Variants in RBM19 observed in about 807,000 individuals in gnomAD.
RBM19 encodes probable RNA-binding protein 19.
A neutral mutation model predicts 116.8 loss-of-function variants in RBM19; 94 were observed. The ratio of observed to expected loss-of-function variants is 0.80; its 90% CI spans 0.68 to 0.95. The LOEUF (loss-of-function observed/expected upper bound fraction) is 0.95. RBM19 is among the 40% of genes least tolerant of loss of function. The probability of loss-of-function intolerance (pLI) is 0.00; values close to 1 mark genes in which losing one functional copy is unlikely to be tolerated. For synonymous variants in RBM19, 475 were observed against 494.1 expected (o/e 0.96, Z 0.51); for missense variants, 1,161 against 1,220.7 (o/e 0.95, Z 0.73).
chr12:113,900,342 G>A (rs1023885346), intron 21 of RBM19, among the ~76,000 whole-genome samples: 1 of 152,142 alleles, frequency 6.6e-6, no homozygotes, highest in African/African-American at 2.4e-5. Flanking sequence ...AGTCAAGTAC[G>A]TGCAGCTGTT....
intron 21 of RBM19, among the ~76,000 whole-genome samples, chr12:113,861,939 C>T (rs987495628): frequency 1.3e-5 from 2 of 152,084 alleles, no homozygotes; most frequent in Admixed American, 6.5e-5. Context: ...TGAAACGCCA[C>T]CCACAAAGAC....
At chr12:113,921,254 T>G (rs1375868021) in intron 18 of RBM19, among the ~76,000 whole-genome samples, 1 of 152,210 alleles carries the variant, frequency 6.6e-6, no homozygotes, top group Non-Finnish European at 1.5e-5. Flanking sequence ...CAAAGAATAC[T>G]GCAAAAATTT....
intron 22 of RBM19, among the ~76,000 whole-genome samples, chr12:113,851,044 C>G (rs114561190): frequency 6.6e-6 from 1 of 152,238 alleles, no homozygotes; most frequent in Non-Finnish European, 1.5e-5. Flanking sequence ...AAGGCTCCCA[C>G]TGTCCTGTGA....
intron 21 of RBM19, among the ~76,000 whole-genome samples, chr12:113,891,772 T>G (rs973648050): frequency 6.6e-6 from 1 of 152,224 alleles, no homozygotes; most frequent in Non-Finnish European, 1.5e-5. Flanking sequence ...ATAAAACTTT[T>G]GCGAACACGC....
chr12:113,878,851 G>C (rs186565731), intron 21 of RBM19, among the ~76,000 whole-genome samples: 4 of 150,744 alleles, frequency 2.7e-5, no homozygotes, highest in South Asian at 2.1e-4. Flanking sequence ...AAAGGGGGGG[G>C]TGGTGAGAGG....
At chr12:113,919,864 C>T (rs1211525907) in intron 19 of RBM19, among the ~76,000 whole-genome samples, 1 of 152,084 alleles carries the variant, frequency 6.6e-6, no homozygotes, top group African/African-American at 2.4e-5. Context: ...CCATCGTCCC[C>T]TCTCCACACC....
chr12:113,924,898 T>C lies in RBM19; in HGVS notation c.2245-141A>G, dbSNP rs796541638. On this transcript the variant is annotated intron_variant, in intron 17 of 23. Transcript: ENST00000261741. ...CATTTTGAGGTGATGAGTGATGACC[T>C]CCTTTAAGTAACCTGGGCAGTCCCT... 15 of 692,502 alleles carry C rather than the reference T, an allele frequency of 2.2e-5. No individual in the cohort carries two copies. The African/African-American group carries it at 2.6e-4, about 12-fold the overall frequency. The allele number at this position is 692,502 out of a possible 1,614,324, so 42.9% of individuals were successfully genotyped here.
chr12:113,875,795 C>G (rs1348752513), intron 21 of RBM19, among the ~76,000 whole-genome samples: 1 of 152,194 alleles, frequency 6.6e-6, no homozygotes, highest in Non-Finnish European at 1.5e-5. Context: ...AGGGAAAAGT[C>G]AATGATCGTG....
chr12:113,918,527 C>T lies in RBM19; in HGVS notation c.2386-80G>A. 2.7e-6 allele frequency: 4 copies of T among 1,470,474 alleles called. No homozygotes were observed. The South Asian group carries it at 4.6e-5, about 17-fold the overall frequency. The allele number at this position is 1,470,474 out of a possible 1,614,324, so 91.1% of individuals were successfully genotyped here. A position where few individuals can be genotyped will look rare whatever the true frequency, so the allele number is the denominator to read the frequency against. ...ATCCTTGCCCTTCACCAGAGCAGAG[C>T]CCTGGCTCGCAGATGGGAGCCTGAT... is the stretch of plus-strand genomic sequence containing the variant. On this transcript the variant is annotated intron_variant, in intron 19 of 23. Coordinates refer to ENST00000261741, the MANE Select transcript of RBM19 (RefSeq NM_016196.4).
chr12:113,879,430 T>TA (rs1202050189), intron 21 of RBM19, among the ~76,000 whole-genome samples: 13 of 81,616 alleles, frequency 1.6e-4, no homozygotes, highest in Non-Finnish European at 2.0e-4. Flanking sequence ...ATACATACAT[T>TA]TTATATATAT....
In RBM19 at chr12:113,907,093, T is replaced by C. The variant is rs2168910; in HGVS notation, c.2558+7876A>G. On this transcript the variant is annotated intron_variant, in intron 21 of 23. Transcript: ENST00000261741. ...CCCTGCCCACACCTTGAACTGGGACTTCTGGCTTCTGGAACTGTGAGAATA... is the reference window on the plus strand; with the variant it reads ...CCCTGCCCACACCTTGAACTGGGACCTCTGGCTTCTGGAACTGTGAGAATA... Among the ~76,000 whole-genome samples, 495 of 152,244 alleles carry C rather than the reference T, an allele frequency of 3.3e-3. 3 individuals are homozygous for C. Among genetic ancestry groups the C allele is most frequent in the South Asian group, 6.2e-3 (30 of 4,832 alleles).
Position 113,960,095 on chromosome 12 carries a change from C to A in RBM19, c.303G>T (p.Gln101His). Reference protein sequence around the residue: ...KHAQKPSQPKQPPKDSTTPEI... With the variant: ...KHAQKPSQPKHPPKDSTTPEI... ...CTGGAGTAGTAGAGTCTTTTGGAGG[C>A]TGCTTGGGCTGGCTTGGTTTCTGGG... Residue 101 changes from glutamine to histidine, a missense_variant, in exon 3 of 24, where the codon CAG (glutamine) becomes CAT (histidine). Transcript: ENST00000261741. 6.2e-7 allele frequency: 1 copy of A among 1,614,186 alleles called. No individual in the cohort carries two copies. The highest frequency in any genetic ancestry group is 8.5e-7 in the Non-Finnish European group (1 of 1,180,034).
Position 113,908,573 on chromosome 12 carries a change from CAAAAAAAAAAAAAAAAA to C in RBM19, c.2558+6379_2558+6395del, listed in dbSNP as rs11338829. Among the ~76,000 whole-genome samples, 55 of 33,230 alleles carry C rather than the reference CAAAAAAAAAAAAAAAAA, an allele frequency of 1.7e-3. 1 individual carries two copies. Among genetic ancestry groups the C allele is most frequent in the Admixed American group, 5.1e-3 (10 of 1,954 alleles). The allele number at this position is 33,230 out of a possible 152,430, so 21.8% of individuals were successfully genotyped here. On this transcript the variant is annotated intron_variant, in intron 21 of 23. Coordinates refer to ENST00000261741, the MANE Select transcript of RBM19 (RefSeq NM_016196.4). ...GTTCACACCTCAAGGAAGAAAATAG[CAAAAAAAAAAAAAAAAA>C]AAAAAAAAAAAAAGATGCTGAGATA... is the stretch of plus-strand genomic sequence containing the variant.
In RBM19 at chr12:113,959,230, C is replaced by T. The variant is rs781296951; in HGVS notation, c.553G>A (p.Ala185Thr). ...CCCTCACCTTCCAGGTCCTCCCCGG[C>T]TCCCTCCTCCTCACTCTCCTGCCCA... is the stretch of plus-strand genomic sequence containing the variant. ...DSGQESEEEGAGEDLEEEASL... is the reference protein window; with the variant it reads ...DSGQESEEEGTGEDLEEEASL... Residue 185 changes from alanine (A) to threonine (T), a missense_variant, in exon 5 of 24, where the codon GCC becomes ACC. Coordinates refer to ENST00000261741, the MANE Select transcript of RBM19 (RefSeq NM_016196.4). 4.3e-6 allele frequency: 7 copies of T among 1,611,732 alleles called. No homozygotes were observed. Among genetic ancestry groups the T allele is most frequent in the Non-Finnish European group, 5.9e-6 (7 of 1,179,044 alleles).
At position 113,941,024 on chromosome 12, in the gene RBM19, G is replaced by A. The variant is rs113970341; in HGVS notation, c.1738-864C>T. On this transcript the variant is annotated intron_variant, in intron 14 of 23. Coordinates refer to ENST00000261741, the MANE Select transcript of RBM19 (RefSeq NM_016196.4). The stretch of plus-strand genomic sequence containing the variant: ...AATAATGTTGGAGGAGGATAAAAGA[G>A]CCAATAAAATATAATGGAAAAATCT... Among the ~76,000 whole-genome samples the A allele has an allele frequency of 5.9e-5, 9 of 152,310 alleles. 1 individual carries two copies. The highest frequency in any genetic ancestry group is 2.2e-4 in the African/African-American group (9 of 41,570).
At chr12:113,897,365 C>G (rs1881409723) in intron 21 of RBM19, among the ~76,000 whole-genome samples, 1 of 152,184 alleles carries the variant, frequency 6.6e-6, no homozygotes, top group Non-Finnish European at 1.5e-5. Context: ...GGGGTTTTAC[C>G]CCGTTGGCCA....
rs560724751 is a variant in RBM19, at chr12:113,961,336, C to A, written c.219+896G>T. Reference sequence around the variant, plus strand: ...CCACCACACCTGGCCAGTTACAATCCCTTTTGTGCACACTTCCAAAATAGG... The same window carrying A: ...CCACCACACCTGGCCAGTTACAATCACTTTTGTGCACACTTCCAAAATAGG... On this transcript the variant is annotated intron_variant, in intron 2 of 23. Transcript: ENST00000261741. Among the ~76,000 whole-genome samples, 3 of 152,242 alleles carry A rather than the reference C, an allele frequency of 2.0e-5. No homozygotes were observed. In the South Asian group the frequency reaches 6.2e-4, roughly 32 times the overall value.
chr12:113,832,242 T>C (rs1458965505), intron 23 of RBM19, among the ~76,000 whole-genome samples: 1 of 151,524 alleles, frequency 6.6e-6, no homozygotes, highest in East Asian at 1.9e-4. Context: ...CAGGCTGGAG[T>C]GCAGTGGTGT....
intron 21 of RBM19, among the ~76,000 whole-genome samples, chr12:113,864,123 G>T (rs28583297): frequency 6.6e-6 from 1 of 152,180 alleles, no homozygotes; most frequent in Non-Finnish European, 1.5e-5. Context: ...CTTGCCCAAG[G>T]TTCCATGGGC....
Sources: allele counts gnomAD v4.1 joint callset (sites outside exome capture counted in the v4.1 genomes callset), GRCh38; gene constraint gnomAD v4.1.1; transcripts MANE v1.5; gene names NCBI Gene and HGNC (gene_info 2026-07-23, HGNC 2026-07-21).